Variants in LHFPL3 observed in about 807,000 individuals in gnomAD.
LHFPL3 encodes the protein LHFPL tetraspan subfamily member 3 protein.
Under a neutral mutation model 19.3 loss-of-function variants are expected in LHFPL3, and 5 were observed. That is an observed-to-expected ratio of 0.26 (90% CI 0.14 to 0.54). LHFPL3 has a LOEUF of 0.54. Among genes scored for constraint, LHFPL3 ranks in the 20% least tolerant of loss-of-function variants. The pLI, the probability that LHFPL3 is intolerant of heterozygous loss-of-function variation, is 0.94. For synonymous variants in LHFPL3, 133 were observed against 126.2 expected, an observed-to-expected ratio of 1.05 and a Z score of -0.36; for missense variants, 249 against 307.4, an observed-to-expected ratio of 0.81 and a Z score of 1.42.
chr7:104,834,715 A>G (rs1331188445), intron 2 of LHFPL3, among the ~76,000 whole-genome samples: 1 of 151,984 alleles, frequency 6.6e-6, no homozygotes, highest in Non-Finnish European at 1.5e-5. Context: ...ATGTGTGCAC[A>G]ATCCATTCAG....
chr7:104,621,277 A>G (rs1038006757), intron 1 of LHFPL3, among the ~76,000 whole-genome samples: 6 of 152,210 alleles, frequency 3.9e-5, no homozygotes, highest in African/African-American at 9.6e-5. Context: ...ATGGATTAGT[A>G]TAGAAAATCC....
chr7:104,857,345 A>C (rs1791528130), intron 2 of LHFPL3, among the ~76,000 whole-genome samples: 1 of 152,210 alleles, frequency 6.6e-6, no homozygotes, highest in Non-Finnish European at 1.5e-5. Flanking sequence ...TCATACATCC[A>C]ACTAATTTCT....
intron 1 of LHFPL3, among the ~76,000 whole-genome samples, chr7:104,543,327 T>A (rs1197148603): frequency 2.0e-5 from 3 of 152,078 alleles, no homozygotes; most frequent in Non-Finnish European, 4.4e-5. Flanking sequence ...GACTGTAAAC[T>A]AGTTCAACCA....
At chr7:104,564,922 G>A (rs1790090771) in intron 1 of LHFPL3, among the ~76,000 whole-genome samples, 1 of 152,190 alleles carries the variant, frequency 6.6e-6, no homozygotes, top group Non-Finnish European at 1.5e-5. Context: ...TGTTGGCCAT[G>A]TGAATGTGAA....
chr7:104,403,524 G>A (rs1203904924), intron 1 of LHFPL3, among the ~76,000 whole-genome samples: 1 of 152,190 alleles, frequency 6.6e-6, no homozygotes, highest in Non-Finnish European at 1.5e-5. Flanking sequence ...TAGTGATGGA[G>A]CCATTCAACT....
At chr7:104,330,219 T>TGG (rs1801543443) in intron 1 of LHFPL3, among the ~76,000 whole-genome samples, 1 of 152,208 alleles carries the variant, frequency 6.6e-6, no homozygotes, top group African/African-American at 2.4e-5. Flanking sequence ...TTGGATGCCC[T>TGG]CCCTTCTAAA....
intron 1 of LHFPL3, among the ~76,000 whole-genome samples, chr7:104,565,146 AG>A (rs952261794): frequency 1.3e-5 from 2 of 152,266 alleles, no homozygotes; most frequent in African/African-American, 4.8e-5. Context: ...ATTTTAGAAA[AG>A]TACAAATAAG....
chr7:104,730,129 T>TA (rs1793671826), intron 1 of LHFPL3, among the ~76,000 whole-genome samples: 1 of 152,252 alleles, frequency 6.6e-6, no homozygotes, highest in Non-Finnish European at 1.5e-5. Context: ...CACATTTTCT[T>TA]AATCTAGTCT....
chr7:104,576,196 T>C (rs370210240), intron 1 of LHFPL3, among the ~76,000 whole-genome samples: 1 of 151,956 alleles, frequency 6.6e-6, no homozygotes, highest in Non-Finnish European at 1.5e-5. Flanking sequence ...GTTTAAAAGA[T>C]CTATGGACTC....
At position 104,384,800 on chromosome 7, in the gene LHFPL3, A is replaced by G. The variant is rs1248968226; in HGVS notation, c.445+55576A>G. Among the ~76,000 whole-genome samples the G allele has an allele frequency of 3.0e-3, 451 of 148,574 alleles. 1 individual carries two copies. Among genetic ancestry groups the G allele is most frequent in the Non-Finnish European group, 5.1e-3 (343 of 66,926 alleles). On this transcript the variant is annotated intron_variant, in intron 1 of 2. Transcript: ENST00000424859. Reference sequence around the variant, plus strand: ...GAAACTCTATTTCAAAAAAAAAAAAAAAAAAAAAAAAGAAGAATGAATATA... The same window carrying G: ...GAAACTCTATTTCAAAAAAAAAAAAGAAAAAAAAAAAGAAGAATGAATATA...
chr7:104,394,682 T>C (rs997716194), intron 1 of LHFPL3, among the ~76,000 whole-genome samples: 1 of 152,114 alleles, frequency 6.6e-6, no homozygotes, highest in African/African-American at 2.4e-5. Context: ...GACATTAGTT[T>C]GTTATAATTG....
intron 1 of LHFPL3, among the ~76,000 whole-genome samples, chr7:104,368,300 A>T (rs1043887371): frequency 2.6e-5 from 4 of 152,124 alleles, no homozygotes; most frequent in African/African-American, 9.7e-5. Flanking sequence ...TTGTGGTAAG[A>T]ACACTTAACA....
At chr7:104,373,297 T>C (rs1283250184) in intron 1 of LHFPL3, among the ~76,000 whole-genome samples, 1 of 152,254 alleles carries the variant, frequency 6.6e-6, no homozygotes, top group Non-Finnish European at 1.5e-5. Flanking sequence ...GTCTTTCTTA[T>C]ATGCAGAGTA....
At chr7:104,832,745 G>A (rs1321016513) in intron 2 of LHFPL3, among the ~76,000 whole-genome samples, 1 of 149,056 alleles carries the variant, frequency 6.7e-6, no homozygotes, top group Admixed American at 6.8e-5. Context: ...GGGAGGCTGA[G>A]GCAGGTGGAT....
intron 2 of LHFPL3, among the ~76,000 whole-genome samples, chr7:104,820,842 G>A (rs1294648061): frequency 6.6e-6 from 1 of 152,130 alleles, no homozygotes; most frequent in Admixed American, 6.5e-5. Flanking sequence ...TTTGGAATAA[G>A]CCCACTACCA....
At position 104,531,186 on chromosome 7, in the gene LHFPL3, A is replaced by G. The variant is rs971259021; in HGVS notation, c.445+201962A>G. Among the ~76,000 whole-genome samples the G allele has an allele frequency of 3.9e-5, 6 of 152,166 alleles. No homozygotes were observed. The South Asian group carries it at 8.3e-4, about 21-fold the overall frequency. The stretch of plus-strand genomic sequence containing the variant: ...CATCTTTTCATTTGATTTTATTTCT[A>G]TCAACAATGAGTTCTTTTCTTTCCC... On this transcript the variant is annotated intron_variant, in intron 1 of 2. Coordinates refer to ENST00000424859, the MANE Select transcript of LHFPL3 (RefSeq NM_199000.3).
intron 1 of LHFPL3, among the ~76,000 whole-genome samples, chr7:104,591,370 A>T (rs1313880589): frequency 2.6e-5 from 4 of 152,168 alleles, no homozygotes; most frequent in African/African-American, 9.7e-5. Flanking sequence ...TCCTTCACTT[A>T]TGAAGCTTAG....
chr7:104,462,120 T>C (rs535191778), intron 1 of LHFPL3, among the ~76,000 whole-genome samples: 39 of 152,356 alleles, frequency 2.6e-4, no homozygotes, highest in African/African-American at 9.1e-4. Flanking sequence ...TGAAGTTGTT[T>C]ATCAGCTGAA....
chr7:104,640,928 A>T (rs1325869161), intron 1 of LHFPL3, among the ~76,000 whole-genome samples: 1 of 152,226 alleles, frequency 6.6e-6, no homozygotes, highest in Non-Finnish European at 1.5e-5. Context: ...TGAACAAAAA[A>T]GTTACGTTTG....
Sources: gnomAD v4.1 joint callset for allele counts (sites outside exome capture counted in the v4.1 genomes callset) on GRCh38, gnomAD v4.1.1 for gene constraint, MANE v1.5 for transcripts, NCBI Gene and HGNC (gene_info 2026-07-23, HGNC 2026-07-21) for gene names.